Variants in SPIN4 observed in about 807,000 individuals in gnomAD.
SPIN4 encodes spindlin family member 4.
A neutral mutation model predicts 10.4 loss-of-function variants in SPIN4; 4 were observed. That is an observed-to-expected ratio of 0.38 (90% CI 0.19 to 0.88). The LOEUF (loss-of-function observed/expected upper bound fraction) is 0.88, where lower values mean the gene tolerates loss of function less well. Ranked by LOEUF, SPIN4 falls within the 40% of genes least tolerant of loss-of-function variation. SPIN4 has a pLI of 0.40. For missense variants in SPIN4, 126 were observed against 198.7 expected (o/e 0.63, Z 2.20); for synonymous variants, 71 against 78.4 (o/e 0.91, Z 0.50).
In SPIN4 at chrX:63,350,798, G is replaced by A. The variant is rs782373501; in HGVS notation, c.22C>T (p.Pro8Ser). MSPPTVPPMGVDGVSAYL... is the reference protein window; with the variant it reads MSPPTVPSMGVDGVSAYL... ...GCGGACACGCCATCTACCCCCATCG[G>A]AGGCACGGTTGGAGGAGACATAGCT... Residue 8 changes from proline (P) to serine (S), a missense_variant, in exon 1 of 1, where the codon CCG becomes TCG. Physicochemically the swap from Pro to Ser is moderately conservative, Grantham distance 74. Transcript: ENST00000374884. The A allele has an allele frequency of 1.7e-6, 2 of 1,199,999 alleles. No individual in the cohort carries two copies.
rs1175391983 is a variant in SPIN4, at chrX:63,348,513, A to C, written c.*1557T>G. 2 of 110,848 alleles carry C rather than the reference A, an allele frequency of 1.8e-5. No individual in the cohort carries two copies. The highest frequency in any genetic ancestry group is 3.8e-5 in the Non-Finnish European group (2 of 52,798). 9.1% of individuals were successfully genotyped at this position (110,848 alleles called of 1,213,427 possible). ...CCTCTAAACAAAAATGCAGGATTTT[A>C]ATTGTGATGTCAGCCATCATAATTA... On this transcript the variant is annotated 3_prime_UTR_variant, in exon 1 of 1. Coordinates refer to ENST00000374884, the MANE Select transcript of SPIN4 (RefSeq NM_001012968.3).
rs782176758 is a variant in SPIN4, at chrX:63,347,589, A to G, written c.*2481T>C. On this transcript the variant is annotated 3_prime_UTR_variant, in exon 1 of 1. Coordinates refer to ENST00000374884, the MANE Select transcript of SPIN4 (RefSeq NM_001012968.3). ...CAGGAAAAAAATTGAAAACTCACAT[A>G]TTCATATTTTTTTAAAGCTAGCACA... 8.9e-6 allele frequency: 1 copy of G among 111,878 alleles called. No homozygotes were observed. Among genetic ancestry groups the G allele is most frequent in the East Asian group, 2.8e-4 (1 of 3,584 alleles). 9.2% of individuals were successfully genotyped at this position (111,878 alleles called of 1,213,427 possible). A position where few individuals can be genotyped will look rare whatever the true frequency, so the allele number is the denominator to read the frequency against.
Position 63,351,085 on chromosome X carries a change from G to A in SPIN4, c.-266C>T. 3.3e-6 allele frequency: 1 copy of A among 303,009 alleles called. No homozygotes were observed. The highest frequency in any genetic ancestry group is 6.0e-6 in the Non-Finnish European group (1 of 166,691). The allele number at this position is 303,009 out of a possible 1,213,427, so 25.0% of individuals were successfully genotyped here. On this transcript the variant is annotated 5_prime_UTR_variant, in exon 1 of 1. Coordinates refer to ENST00000374884, the MANE Select transcript of SPIN4 (RefSeq NM_001012968.3). ...TACTGCAGCAGTGGCGGCTGACGTA[G>A]AGATGGCGGGCTCGCGAGTGCTGTT... is the stretch of plus-strand genomic sequence containing the variant.
chrX:63,349,536 GGCCAGAGAGA>G lies in SPIN4; in HGVS notation c.*524_*533del, dbSNP rs1416290422. On this transcript the variant is annotated 3_prime_UTR_variant, in exon 1 of 1. Transcript: ENST00000374884. The stretch of plus-strand genomic sequence containing the variant: ...AAGAGTGCAAGAGAGTAAGAGTGAG[GGCCAGAGAGA>G]GCCAGAGAGAGCAAGAAAGACTGAA... The G allele has an allele frequency of 8.9e-6, 1 of 112,872 alleles. No individual in the cohort carries two copies. Among genetic ancestry groups the G allele is most frequent in the Non-Finnish European group, 1.8e-5 (1 of 54,064 alleles). 9.3% of individuals were successfully genotyped at this position (112,872 alleles called of 1,213,427 possible).
rs1932958293 is a variant in SPIN4 at position 63,348,426 on chromosome X, C to A, written c.*1644G>T. 9.1e-6 allele frequency: 1 copy of A among 110,331 alleles called. No individual in the cohort carries two copies. The highest frequency in any genetic ancestry group is 1.9e-5 in the Non-Finnish European group (1 of 52,624). The allele number at this position is 110,331 out of a possible 1,213,427, so 9.1% of individuals were successfully genotyped here. On this transcript the variant is annotated 3_prime_UTR_variant, in exon 1 of 1. Coordinates refer to ENST00000374884, the MANE Select transcript of SPIN4 (RefSeq NM_001012968.3). The stretch of plus-strand genomic sequence containing the variant: ...CGTGAAGAATATTCCAATAACAAGA[C>A]CAAAAGATTTCAATGATGTACGAAG...
At position 63,350,064 on chromosome X, in the gene SPIN4, A is replaced by T; in HGVS notation, c.*6T>A. 1.7e-6 allele frequency: 2 copies of T among 1,190,162 alleles called. No homozygotes were observed. The highest frequency in any genetic ancestry group is 2.3e-6 in the Non-Finnish European group (2 of 882,325). ...ATCCACAACTTCTCTAAAGAGCACAAAGAATTTAAGGAGTTTTCACCAAAC... is the reference window on the plus strand; with the variant it reads ...ATCCACAACTTCTCTAAAGAGCACATAGAATTTAAGGAGTTTTCACCAAAC... On this transcript the variant is annotated 3_prime_UTR_variant, in exon 1 of 1. Coordinates refer to ENST00000374884, the MANE Select transcript of SPIN4 (RefSeq NM_001012968.3).
Position 63,349,659 on chromosome X carries a change from T to C in SPIN4, c.*411A>G, listed in dbSNP as rs1932975504. On this transcript the variant is annotated 3_prime_UTR_variant, in exon 1 of 1. Coordinates refer to ENST00000374884, the MANE Select transcript of SPIN4 (RefSeq NM_001012968.3). ...TTACAGAAACTACTAGAACATACTT[T>C]CTGCATGAAGATGGGGAAAATAGGT... 1 of 123,883 alleles carries C rather than the reference T, an allele frequency of 8.1e-6. No homozygotes were observed. The highest frequency in any genetic ancestry group is 8.3e-5 in the Admixed American group (1 of 12,093). 10.2% of individuals were successfully genotyped at this position (123,883 alleles called of 1,213,427 possible). A position where few individuals can be genotyped will look rare whatever the true frequency, so the allele number is the denominator to read the frequency against.
rs1454370231 is a variant in SPIN4 at position 63,348,760 on chromosome X, A to G, written c.*1310T>C. On this transcript the variant is annotated 3_prime_UTR_variant, in exon 1 of 1. Transcript: ENST00000374884. ...CAATCAGGTATCCAATGTGAACAAA[A>G]TGTTATAGCTGGATCCCCATCTTAC... The G allele has an allele frequency of 3.6e-5, 4 of 111,553 alleles. No individual in the cohort carries two copies. Among genetic ancestry groups the G allele is most frequent in the African/African-American group, 1.3e-4 (4 of 30,793 alleles). The allele number at this position is 111,553 out of a possible 1,213,427, so 9.2% of individuals were successfully genotyped here.
At position 63,349,059 on chromosome X, in the gene SPIN4, C is replaced by A. The variant is rs1462199129; in HGVS notation, c.*1011G>T. ...AATATGCACTATGTAGTAAGAATTTCTACAAATTTATAATGAAAAACATCA... is the reference window on the plus strand; with the variant it reads ...AATATGCACTATGTAGTAAGAATTTATACAAATTTATAATGAAAAACATCA... On this transcript the variant is annotated 3_prime_UTR_variant, in exon 1 of 1. Transcript: ENST00000374884. 1 of 111,716 alleles carries A rather than the reference C, an allele frequency of 9.0e-6. No individual in the cohort carries two copies. The highest frequency in any genetic ancestry group is 3.3e-5 in the African/African-American group (1 of 30,751). 9.2% of individuals were successfully genotyped at this position (111,716 alleles called of 1,213,427 possible). A position where few individuals can be genotyped will look rare whatever the true frequency, so the allele number is the denominator to read the frequency against.
rs1420408955 is a variant in SPIN4, at chrX:63,349,656, C to T, written c.*414G>A. On this transcript the variant is annotated 3_prime_UTR_variant, in exon 1 of 1. Coordinates refer to ENST00000374884, the MANE Select transcript of SPIN4 (RefSeq NM_001012968.3). The stretch of plus-strand genomic sequence containing the variant: ...TTTTTACAGAAACTACTAGAACATA[C>T]TTTCTGCATGAAGATGGGGAAAATA... 8.1e-6 allele frequency: 1 copy of T among 123,342 alleles called. No individual in the cohort carries two copies. The highest frequency in any genetic ancestry group is 1.6e-5 in the Non-Finnish European group (1 of 60,682). 10.2% of individuals were successfully genotyped at this position (123,342 alleles called of 1,213,427 possible).
chrX:63,348,251 A>C lies in SPIN4; in HGVS notation c.*1819T>G, dbSNP rs1316916997. Reference sequence around the variant, plus strand: ...ATGATTAAATAAGCTCATTAGACAGAAGATAAAAATACAAAAATCTATAGG... The same window carrying C: ...ATGATTAAATAAGCTCATTAGACAGCAGATAAAAATACAAAAATCTATAGG... On this transcript the variant is annotated 3_prime_UTR_variant, in exon 1 of 1. Coordinates refer to ENST00000374884, the MANE Select transcript of SPIN4 (RefSeq NM_001012968.3). 2.7e-5 allele frequency: 3 copies of C among 111,637 alleles called. No homozygotes were observed. In the Admixed American group the frequency reaches 2.9e-4, roughly 11 times the overall value. 9.2% of individuals were successfully genotyped at this position (111,637 alleles called of 1,213,427 possible).
At position 63,347,767 on chromosome X, in the gene SPIN4, T is replaced by A. The variant is rs1285295655; in HGVS notation, c.*2303A>T. 8.9e-6 allele frequency: 1 copy of A among 111,770 alleles called. No homozygotes were observed. Among genetic ancestry groups the A allele is most frequent in the Non-Finnish European group, 1.9e-5 (1 of 53,008 alleles). 9.2% of individuals were successfully genotyped at this position (111,770 alleles called of 1,213,427 possible). ...TTTCACAATGACCAAGTAGTATTTGTTCCAGAAATACAAGTTTGGTTCCAC... is the reference window on the plus strand; with the variant it reads ...TTTCACAATGACCAAGTAGTATTTGATCCAGAAATACAAGTTTGGTTCCAC... On this transcript the variant is annotated 3_prime_UTR_variant, in exon 1 of 1. Coordinates refer to ENST00000374884, the MANE Select transcript of SPIN4 (RefSeq NM_001012968.3).
Position 63,351,330 on chromosome X carries a change from T to A in SPIN4, c.-511A>T, listed in dbSNP as rs1602059367. 1 of 114,679 alleles carries A rather than the reference T, an allele frequency of 8.7e-6. No homozygotes were observed. Among genetic ancestry groups the A allele is most frequent in the African/African-American group, 3.2e-5 (1 of 31,029 alleles). The allele number at this position is 114,679 out of a possible 1,213,427, so 9.5% of individuals were successfully genotyped here. A position where few individuals can be genotyped will look rare whatever the true frequency, so the allele number is the denominator to read the frequency against. Reference sequence around the variant, plus strand: ...GCAGCGCTAGCTGGCTTGGCTTCACTCTGGCGACCGGGTCTTTGCGGCGCA... The same window carrying A: ...GCAGCGCTAGCTGGCTTGGCTTCACACTGGCGACCGGGTCTTTGCGGCGCA... On this transcript the variant is annotated 5_prime_UTR_variant, in exon 1 of 1. Coordinates refer to ENST00000374884, the MANE Select transcript of SPIN4 (RefSeq NM_001012968.3).
Position 63,349,998 on chromosome X carries a change from G to A in SPIN4, c.*72C>T. ...TTCTGACACCTAAACTCTTCTCTGCGTTCACAACTACGAGAACACAAAATA... is the reference window on the plus strand; with the variant it reads ...TTCTGACACCTAAACTCTTCTCTGCATTCACAACTACGAGAACACAAAATA... On this transcript the variant is annotated 3_prime_UTR_variant, in exon 1 of 1. Transcript: ENST00000374884. 2 of 1,063,231 alleles carry A rather than the reference G, an allele frequency of 1.9e-6. No homozygotes were observed. Among genetic ancestry groups the A allele is most frequent in the Non-Finnish European group, 2.5e-6 (2 of 797,080 alleles). 87.6% of individuals were successfully genotyped at this position (1,063,231 alleles called of 1,213,427 possible). A position where few individuals can be genotyped will look rare whatever the true frequency, so the allele number is the denominator to read the frequency against.
Position 63,350,781 on chromosome X carries a change from G to A in SPIN4, c.39C>T (p.Gly13=), listed in dbSNP as rs782122444. The A allele has an allele frequency of 1.7e-6, 2 of 1,204,392 alleles. No homozygotes were observed. The highest frequency in any genetic ancestry group is 1.7e-5 in the African/African-American group (1 of 57,160). The change falls in exon 1 of 1, where the codon GGC becomes GGT. Residue 13 remains glycine, a synonymous_variant. Coordinates refer to ENST00000374884, the MANE Select transcript of SPIN4 (RefSeq NM_001012968.3). The part of the protein sequence containing the change: ...PPTVPPMGVD[G]VSAYLMKKRH... ...TTTTCTTCATCAGGTATGCGGACACGCCATCTACCCCCATCGGAGGCACGG... is the reference window on the plus strand; with the variant it reads ...TTTTCTTCATCAGGTATGCGGACACACCATCTACCCCCATCGGAGGCACGG...
In SPIN4 at chrX:63,350,249, G is replaced by C. The variant is rs782205007; in HGVS notation, c.571C>G (p.Gln191Glu). Residue 191 changes from glutamine (Q) to glutamate (E), a missense_variant, in exon 1 of 1, where the codon CAG (glutamine) becomes GAG (glutamate). Coordinates refer to ENST00000374884, the MANE Select transcript of SPIN4 (RefSeq NM_001012968.3). ...DSNYYFPTAE[Q>E]EPGEVVDSLV... ...CTGTCGACCACCTCTCCAGGCTCCT[G>C]TTCTGCTGTAGGGAAATAGTAGTTG... The C allele has an allele frequency of 3.1e-5, 37 of 1,209,523 alleles. No homozygotes were observed. In the South Asian group the frequency reaches 6.5e-4, roughly 21 times the overall value.
chrX:63,348,011 C>G lies in SPIN4; in HGVS notation c.*2059G>C, dbSNP rs1932953397. 1 of 111,038 alleles carries G rather than the reference C, an allele frequency of 9.0e-6. No individual in the cohort carries two copies. 9.2% of individuals were successfully genotyped at this position (111,038 alleles called of 1,213,427 possible). A position where few individuals can be genotyped will look rare whatever the true frequency, so the allele number is the denominator to read the frequency against. ...TCATACTAATAGGGAATACTATTCC[C>G]TATTAATATTTTGCATTCTTACTTC... On this transcript the variant is annotated 3_prime_UTR_variant, in exon 1 of 1. Transcript: ENST00000374884.
rs1483932939 is a variant in SPIN4, at chrX:63,350,010, G to C, written c.*60C>G. On this transcript the variant is annotated 3_prime_UTR_variant, in exon 1 of 1. Transcript: ENST00000374884. ...AACTCTTCTCTGCGTTCACAACTACGAGAACACAAAATAATTCACATCTAA... is the reference window on the plus strand; with the variant it reads ...AACTCTTCTCTGCGTTCACAACTACCAGAACACAAAATAATTCACATCTAA... 1 of 1,104,810 alleles carries C rather than the reference G, an allele frequency of 9.1e-7. No homozygotes were observed. Among genetic ancestry groups the C allele is most frequent in the African/African-American group, 1.8e-5 (1 of 54,097 alleles). The allele number at this position is 1,104,810 out of a possible 1,213,427, so 91.0% of individuals were successfully genotyped here. A position where few individuals can be genotyped will look rare whatever the true frequency, so the allele number is the denominator to read the frequency against.
rs1207684519 is a variant in SPIN4 at position 63,347,455 on chromosome X, T to TA, written c.*2614dup. On this transcript the variant is annotated 3_prime_UTR_variant, in exon 1 of 1. Transcript: ENST00000374884. Reference sequence around the variant, plus strand: ...CTATTAAAGAAATCACAAAGCTGATTAAAAATCTACTATTAAAAGTGTCAT... The same window carrying TA: ...CTATTAAAGAAATCACAAAGCTGATTAAAAAATCTACTATTAAAAGTGTCAT... 1 of 112,122 alleles carries TA rather than the reference T, an allele frequency of 8.9e-6. No homozygotes were observed. Among genetic ancestry groups the TA allele is most frequent in the Non-Finnish European group, 1.9e-5 (1 of 53,119 alleles). 9.2% of individuals were successfully genotyped at this position (112,122 alleles called of 1,213,427 possible).
Sources: allele counts gnomAD v4.1 joint callset, GRCh38; gene constraint gnomAD v4.1.1; transcripts MANE v1.5; gene names NCBI Gene and HGNC (gene_info 2026-07-23, HGNC 2026-07-21).